The following NAA60 variants were observed in gnomAD, a reference collection of about 807,000 sequenced individuals.
NAA60 encodes N-alpha-acetyltransferase 60, NatF catalytic subunit.
A neutral mutation model predicts 26.1 loss-of-function variants in NAA60; 8 were observed. The observed-to-expected ratio is 0.31, with a 90% confidence interval of 0.18 to 0.55. The LOEUF is 0.55. NAA60 is among the 20% of genes least tolerant of loss of function. NAA60 has a pLI of 0.93. For missense variants in NAA60, 290 were observed against 311.3 expected (o/e 0.93, Z 0.51); for synonymous variants, 131 against 122.5 (o/e 1.07, Z -0.46).
chr16:3,448,552 C>T lies in NAA60; in HGVS notation c.-7+12C>T, dbSNP rs975197048. The T allele has an allele frequency of 3.5e-5, 54 of 1,534,290 alleles. No individual in the cohort carries two copies. Among genetic ancestry groups the T allele is most frequent in the African/African-American group, 4.1e-5 (3 of 72,994 alleles). ...AAGAGCTCCAGAGAGTGAGTCAAAG[C>T]GCTCTGTGTCCTGCTATTAATGATG... On this transcript the variant is annotated intron_variant, in intron 2 of 7. Coordinates refer to ENST00000407558, the MANE Select transcript of NAA60 (RefSeq NM_001083601.3).
intron 1 of NAA60, among the ~76,000 whole-genome samples, chr16:3,448,164 C>T (rs2034628011): frequency 6.6e-6 from 1 of 150,684 alleles, no homozygotes; most frequent in South Asian, 2.1e-4. Context: ...ATTCCAGCTA[C>T]TTTAGAGGCT....
upstream of NAA60, chr16:3,443,635 C>A: frequency 9.7e-7 from 1 of 1,032,946 alleles, no homozygotes; most frequent in Middle Eastern, 3.1e-4. Context: ...AGCCACTGGG[C>A]AGCTGCGAGA....
At chr16:3,448,698 C>T (rs1053402477) in intron 2 of NAA60, 158 bp downstream of exon 2, 32 of 607,154 alleles carry the variant, frequency 5.3e-5, no homozygotes, top group Non-Finnish European at 7.7e-5. Context: ...AATGCTTTCA[C>T]TTTTTTGCTA....
At position 3,485,806 on chromosome 16, in the gene NAA60, C is replaced by A. The variant is rs763704605; in HGVS notation, c.*546C>A. ...TGGGGGGTGAGGAGTGGCCCCCACT[C>A]CTCCATGAGGGGCTGATGAGGGGTG... On this transcript the variant is annotated 3_prime_UTR_variant, in exon 8 of 8. Coordinates refer to ENST00000407558, the MANE Select transcript of NAA60 (RefSeq NM_001083601.3). 2.6e-6 allele frequency: 1 copy of A among 388,474 alleles called. No homozygotes were observed. The highest frequency in any genetic ancestry group is 5.2e-6 in the Non-Finnish European group (1 of 192,640). 24.1% of individuals were successfully genotyped at this position (388,474 alleles called of 1,614,324 possible).
chr16:3,455,386 G>GTT lies in NAA60; in HGVS notation c.-7+6867_-7+6868dup, dbSNP rs35501650. Among the ~76,000 whole-genome samples, 456 of 101,954 alleles carry GTT rather than the reference G, an allele frequency of 4.5e-3. 2 individuals carry two copies. Among genetic ancestry groups the GTT allele is most frequent in the African/African-American group, 9.6e-3 (238 of 24,878 alleles). The allele number at this position is 101,954 out of a possible 152,430, so 66.9% of individuals were successfully genotyped here. A position where few individuals can be genotyped will look rare whatever the true frequency, so the allele number is the denominator to read the frequency against. On this transcript the variant is annotated intron_variant, in intron 2 of 7. Coordinates refer to ENST00000407558, the MANE Select transcript of NAA60 (RefSeq NM_001083601.3). ...GGGCATAGCCAAAAAAGAGTTTTTAGTTTTTTTTTTTTTTTTTTTTTTGAG... is the reference window on the plus strand; with the variant it reads ...GGGCATAGCCAAAAAAGAGTTTTTAGTTTTTTTTTTTTTTTTTTTTTTTTGAG...
chr16:3,455,320 G>A (rs1343425808), intron 2 of NAA60, among the ~76,000 whole-genome samples: 5 of 151,186 alleles, frequency 3.3e-5, no homozygotes, highest in Admixed American at 6.6e-5. Flanking sequence ...ATCCACCCGC[G>A]TCAGCCTCCC....
chr16:3,465,192 G>A (rs898944116), intron 2 of NAA60, among the ~76,000 whole-genome samples: 10 of 151,810 alleles, frequency 6.6e-5, no homozygotes, highest in African/African-American at 2.4e-4. Context: ...GCGTGAACCC[G>A]GGAGGCGGAG....
At chr16:3,470,620 G>A (rs1455381048) in intron 2 of NAA60, among the ~76,000 whole-genome samples, 1 of 152,170 alleles carries the variant, frequency 6.6e-6, no homozygotes, top group Non-Finnish European at 1.5e-5. Context: ...GAGACGGGAT[G>A]TAGAAAGCTG....
In NAA60 at chr16:3,485,059, C is replaced by T; in HGVS notation, c.*204C>T. On this transcript the variant is annotated splice_region_variant and 3_prime_UTR_variant, in exon 7 of 8. Coordinates refer to ENST00000407558, the MANE Select transcript of NAA60 (RefSeq NM_001083601.3). ...ATGCGCAGAGCATGCCCATCCGTGGCAGGTACGCCACAGCAGACACAAAGG... is the reference window on the plus strand; with the variant it reads ...ATGCGCAGAGCATGCCCATCCGTGGTAGGTACGCCACAGCAGACACAAAGG... 1 of 1,465,482 alleles carries T rather than the reference C, an allele frequency of 6.8e-7. No individual in the cohort carries two copies. Among genetic ancestry groups the T allele is most frequent in the Non-Finnish European group, 9.2e-7 (1 of 1,085,594 alleles). The allele number at this position is 1,465,482 out of a possible 1,614,324, so 90.8% of individuals were successfully genotyped here. A position where few individuals can be genotyped will look rare whatever the true frequency, so the allele number is the denominator to read the frequency against.
intron 2 of NAA60, among the ~76,000 whole-genome samples, chr16:3,471,752 G>T (rs2036162167): frequency 6.6e-6 from 1 of 152,152 alleles, no homozygotes; most frequent in South Asian, 2.1e-4. Flanking sequence ...GGCCCTGCAG[G>T]AGCTCAGAAA....
chr16:3,465,003 C>G (rs762616674), intron 2 of NAA60, among the ~76,000 whole-genome samples: 20 of 152,152 alleles, frequency 1.3e-4, no homozygotes, highest in Non-Finnish European at 2.5e-4. Flanking sequence ...TGCAGTGGCT[C>G]AAGCCTGTAA....
At chr16:3,484,128 C>G (rs907145795) in intron 6 of NAA60, among the ~76,000 whole-genome samples, 7 of 152,130 alleles carry the variant, frequency 4.6e-5, no homozygotes, top group African/African-American at 1.7e-4. Flanking sequence ...AGAGGGAAGC[C>G]AGGAAACTTT....
At chr16:3,480,470 G>A (rs1038903624) in intron 4 of NAA60, among the ~76,000 whole-genome samples, 7 of 151,658 alleles carry the variant, frequency 4.6e-5, no homozygotes, top group South Asian at 2.1e-4. Context: ...GGTGGCAGGC[G>A]CCTATAATCC....
chr16:3,456,782 A>G (rs1402030246), intron 2 of NAA60: 1 of 152,082 alleles, frequency 6.6e-6, no homozygotes, highest in Non-Finnish European at 1.5e-5. Context: ...ACAGTTTGAC[A>G]CGCAGACTCA....
chr16:3,449,398 G>A (rs1157287495), intron 2 of NAA60, among the ~76,000 whole-genome samples: 2 of 152,122 alleles, frequency 1.3e-5, no homozygotes, highest in African/African-American at 4.8e-5. Context: ...GGCACCTGTA[G>A]TCCCAGCTAC....
At chr16:3,456,767 AG>A (rs1239166035) in intron 2 of NAA60, 2 of 152,074 alleles carry the variant, frequency 1.3e-5, no homozygotes, top group African/African-American at 4.8e-5. Context: ...AATGGATACT[AG>A]GGGACAGTTT....
At chr16:3,485,385 G>T (rs1198518184) in intron 7 of NAA60, 82 bp from the exon 8 acceptor site, 1 of 468,846 alleles carries the variant, frequency 2.1e-6, no homozygotes. Context: ...AGGCCCAGCT[G>T]TGTGGCCCAT....
chr16:3,461,232 G>GT (rs139127328), intron 2 of NAA60, among the ~76,000 whole-genome samples: 16,578 of 152,226 alleles, frequency 0.11, 1,128 homozygotes, highest in African/African-American at 0.19. Context: ...AGGCATTTGC[G>GT]TAGTGCTTGT....
chr16:3,445,435 G>A (rs370032634), intron 1 of NAA60, among the ~76,000 whole-genome samples: 5 of 151,602 alleles, frequency 3.3e-5, no homozygotes, highest in African/African-American at 4.9e-5. Flanking sequence ...CACCACGTCC[G>A]GCTAATTTTT....
Sources: gnomAD v4.1 joint callset for allele counts (sites outside exome capture counted in the v4.1 genomes callset) on GRCh38, gnomAD v4.1.1 for gene constraint, MANE v1.5 for transcripts, NCBI Gene and HGNC (gene_info 2026-07-23, HGNC 2026-07-21) for gene names.